TRAPPC9: variants seen among roughly 807,000 people sequenced by gnomAD.
The protein encoded by TRAPPC9 is IKK2 binding protein.
Under a neutral mutation model 124.0 loss-of-function variants are expected in TRAPPC9, and 83 were observed. The ratio of observed to expected loss-of-function variants is 0.67; its 90% CI spans 0.56 to 0.80. The LOEUF is 0.80. TRAPPC9 is among the 30% of genes least tolerant of loss of function. The pLI is 0.00. For synonymous variants in TRAPPC9, 638 were observed against 617.5 expected, an observed-to-expected ratio of 1.03 and a Z score of -0.49; for missense variants, 1,302 against 1,508.3, an observed-to-expected ratio of 0.86 and a Z score of 2.27.
In TRAPPC9 at chr8:139,815,393, CT is replaced by C. The variant is rs33934110; in HGVS notation, c.3055+70485del. Among the ~76,000 whole-genome samples, 141 of 145,460 alleles carry C rather than the reference CT, an allele frequency of 9.7e-4. No homozygotes were observed. The South Asian group carries it at 0.01, about 11-fold the overall frequency. On this transcript the variant is annotated intron_variant, in intron 21 of 22. Coordinates refer to ENST00000438773, the MANE Select transcript of TRAPPC9 (RefSeq NM_001160372.4). ...CACCACAACTACTCAGCATTCATAA[CT>C]TTTTTTTTTTTTTGAGACCGTCTCG... is the stretch of plus-strand genomic sequence containing the variant.
At chr8:140,275,861 G>C in intron 14 of TRAPPC9, 40 bp from the exon 15 acceptor site, 208 of 1,495,818 alleles carry the variant, frequency 1.4e-4, no homozygotes, top group Non-Finnish European at 1.7e-4. Context: ...AAAGAAGGAA[G>C]AAGCCAAGGC....
intron 1 of TRAPPC9, among the ~76,000 whole-genome samples, chr8:140,455,361 G>T (rs967007137): frequency 3.9e-5 from 6 of 151,964 alleles, no homozygotes; most frequent in African/African-American, 1.5e-4. Context: ...TCGAACTCAT[G>T]ATCTCAGGTG....
At chr8:140,279,991 T>C (rs2131682584) in intron 14 of TRAPPC9, among the ~76,000 whole-genome samples, 1 of 152,356 alleles carries the variant, frequency 6.6e-6, no homozygotes, top group East Asian at 1.9e-4. Flanking sequence ...CTTGCTAAGC[T>C]GGAGATGGAG....
chr8:140,408,201 C>T (rs2132445315), intron 5 of TRAPPC9, among the ~76,000 whole-genome samples: 1 of 152,212 alleles, frequency 6.6e-6, no homozygotes, highest in Middle Eastern at 3.4e-3. Flanking sequence ...CTGTAGATTA[C>T]AGGCAGGAAA....
At position 140,241,854 on chromosome 8, in the gene TRAPPC9, T is replaced by G. The variant is rs74893464; in HGVS notation, c.2431+10923A>C. ...GCGTGCCTTCCGTCCCTCACTTGCT[T>G]AACGTATGCCAAGAAGCTGCTCTGA... On this transcript the variant is annotated intron_variant, in intron 16 of 22. Coordinates refer to ENST00000438773, the MANE Select transcript of TRAPPC9 (RefSeq NM_001160372.4). This position sits in a 1 kb window ranked among gnomAD's most constrained non-coding sequence, Gnocchi z 5.0. Among the ~76,000 whole-genome samples the G allele has an allele frequency of 0.015, 2,325 of 152,224 alleles. 49 individuals carry two copies. Among genetic ancestry groups the G allele is most frequent in the African/African-American group, 0.053 (2,204 of 41,528 alleles).
intron 21 of TRAPPC9, among the ~76,000 whole-genome samples, chr8:139,751,883 C>A (rs1021938489): frequency 2.0e-5 from 3 of 151,874 alleles, no homozygotes; most frequent in Non-Finnish European, 2.9e-5. Flanking sequence ...TCTACCCATC[C>A]ATCCATCCAT....
intron 17 of TRAPPC9, among the ~76,000 whole-genome samples, chr8:140,168,566 G>A (rs889305529): frequency 1.3e-5 from 2 of 152,320 alleles, no homozygotes; most frequent in South Asian, 4.2e-4. Context: ...CTGAGTAACT[G>A]CTGCTAGCAC....
chr8:140,010,343 G>GT (rs1168084245), intron 18 of TRAPPC9, among the ~76,000 whole-genome samples: 7 of 152,042 alleles, frequency 4.6e-5, no homozygotes, highest in Non-Finnish European at 7.4e-5. Flanking sequence ...AGTAGGGTAA[G>GT]TTTTTTTTAC....
chr8:140,030,828 C>G (rs1840454567), intron 17 of TRAPPC9, among the ~76,000 whole-genome samples: 1 of 152,144 alleles, frequency 6.6e-6, no homozygotes, highest in Non-Finnish European at 1.5e-5. Context: ...GCAAGGAGAT[C>G]GGCAGTTGCC....
intron 17 of TRAPPC9, among the ~76,000 whole-genome samples, chr8:140,089,774 T>C (rs939177706): frequency 6.6e-6 from 1 of 152,022 alleles, no homozygotes; most frequent in Non-Finnish European, 1.5e-5. Flanking sequence ...TTCTGAGTGT[T>C]TGCTTAAAAA....
intron 21 of TRAPPC9, among the ~76,000 whole-genome samples, chr8:139,744,083 A>G (rs1818733610): frequency 1.3e-5 from 2 of 152,218 alleles, no homozygotes; most frequent in Admixed American, 1.3e-4. Flanking sequence ...GTACGCATGA[A>G]CACGCACTCA....
chr8:140,247,670 T>C (rs2064019993), intron 16 of TRAPPC9, among the ~76,000 whole-genome samples: 1 of 152,188 alleles, frequency 6.6e-6, no homozygotes, highest in African/African-American at 2.4e-5. Context: ...TATATGTATG[T>C]ATATATGTAT....
chr8:139,772,971 C>T (rs1284556616), intron 21 of TRAPPC9, among the ~76,000 whole-genome samples: 6 of 152,258 alleles, frequency 3.9e-5, no homozygotes. Flanking sequence ...TGCAGAGCAG[C>T]TTCATGAAGC....
intron 18 of TRAPPC9, among the ~76,000 whole-genome samples, chr8:140,013,184 A>G (rs1039686591): frequency 3.3e-5 from 5 of 152,146 alleles, no homozygotes; most frequent in Admixed American, 6.5e-5. Context: ...GGCCAGATGG[A>G]GTTCAAGCCC....
chr8:140,031,817 C>T (rs1480503758), intron 17 of TRAPPC9, among the ~76,000 whole-genome samples: 1 of 152,190 alleles, frequency 6.6e-6, no homozygotes, highest in Non-Finnish European at 1.5e-5. Flanking sequence ...ATCAAAACAG[C>T]TTCCAGCCAA....
chr8:140,374,572 A>G (rs981730499), intron 7 of TRAPPC9, among the ~76,000 whole-genome samples: 2 of 149,710 alleles, frequency 1.3e-5, no homozygotes, highest in Admixed American at 1.3e-4. Context: ...CTCCATGTCA[A>G]AAAAAAAAAG....
intron 8 of TRAPPC9, among the ~76,000 whole-genome samples, chr8:140,366,582 A>T (rs960332838): frequency 1.3e-5 from 2 of 152,216 alleles, no homozygotes; most frequent in Non-Finnish European, 2.9e-5. Flanking sequence ...CTCAAAACAG[A>T]TCATAAACCC....
intron 8 of TRAPPC9, 69 bp downstream of exon 8, chr8:140,370,895 G>A: frequency 6.4e-7 from 1 of 1,569,384 alleles, no homozygotes; most frequent in Admixed American, 1.7e-5. Flanking sequence ...ACTCAGGGCA[G>A]GGGCTGAAAC....
chr8:140,272,249 G>A (rs1438029354), intron 15 of TRAPPC9, among the ~76,000 whole-genome samples: 13 of 149,728 alleles, frequency 8.7e-5, no homozygotes, highest in Non-Finnish European at 1.5e-4. Context: ...GGTGGGGGTG[G>A]GGGTTGGGGT....
Sources: allele counts gnomAD v4.1 joint callset (sites outside exome capture counted in the v4.1 genomes callset), GRCh38; gene constraint gnomAD v4.1.1; non-coding constraint Gnocchi (gnomAD v3.1); transcripts MANE v1.5; gene names NCBI Gene and HGNC (gene_info 2026-07-23, HGNC 2026-07-21).